Variants in CDKAL1 observed in about 807,000 individuals in gnomAD.
CDKAL1 encodes CDKAL1 threonylcarbamoyladenosine tRNA methylthiotransferase.
A neutral mutation model predicts 68.2 loss-of-function variants in CDKAL1; 32 were observed. The observed-to-expected ratio is 0.47, with a 90% CI of 0.35 to 0.63. The LOEUF is 0.63. Ranked by LOEUF, CDKAL1 falls within the 30% of genes least tolerant of loss-of-function variation. The probability of loss-of-function intolerance (pLI) is 0.00; values close to 1 mark genes in which losing one functional copy is unlikely to be tolerated. For missense variants in CDKAL1, 606 were observed against 696.7 expected (o/e 0.87, Z 1.47); for synonymous variants, 234 against 244.3 (o/e 0.96, Z 0.39).
intron 12 of CDKAL1, among the ~76,000 whole-genome samples, chr6:21,105,604 C>T (rs897453233): frequency 6.6e-6 from 1 of 152,074 alleles, no homozygotes; most frequent in Non-Finnish European, 1.5e-5. Context: ...TAGAGCTAGG[C>T]GGGGGTATGC....
Position 20,750,834 on chromosome 6 carries a change from G to A in CDKAL1, c.469-7761G>A, listed in dbSNP as rs150825321. Among the ~76,000 whole-genome samples, 359 of 151,606 alleles carry A rather than the reference G, an allele frequency of 2.4e-3. 7 individuals are homozygous for A. The East Asian group carries it at 0.064, about 27-fold the overall frequency. ...CAAAAATTAGCCGGGTGTGGTGGCA[G>A]GCACCTGTAATCCCAGCTACTCAGG... is the stretch of plus-strand genomic sequence containing the variant. On this transcript the variant is annotated intron_variant, in intron 6 of 15. Coordinates refer to ENST00000274695, the MANE Select transcript of CDKAL1 (RefSeq NM_017774.3).
At chr6:20,969,980 C>T (rs1019346267) in intron 10 of CDKAL1, among the ~76,000 whole-genome samples, 3 of 151,174 alleles carry the variant, frequency 2.0e-5, no homozygotes, top group African/African-American at 7.3e-5. Context: ...ATTGTTTGTC[C>T]CAGCTGTTAT....
intron 4 of CDKAL1, among the ~76,000 whole-genome samples, chr6:20,567,857 G>C (rs533388873): frequency 6.6e-6 from 1 of 151,912 alleles, no homozygotes; most frequent in Admixed American, 6.6e-5. Context: ...GGGACTACAG[G>C]TGTGCACCAC....
At chr6:21,056,748 A>G (rs1044794651) in intron 11 of CDKAL1, among the ~76,000 whole-genome samples, 6 of 152,142 alleles carry the variant, frequency 3.9e-5, no homozygotes, top group Non-Finnish European at 8.8e-5. Context: ...GTTGAATTTT[A>G]TCAAAGGCCT....
intron 9 of CDKAL1, among the ~76,000 whole-genome samples, chr6:20,855,304 G>T (rs150663317): frequency 6.6e-6 from 1 of 151,840 alleles, no homozygotes; most frequent in African/African-American, 2.4e-5. Flanking sequence ...ATAGCCAGGC[G>T]TGGTGGTGCA....
At chr6:20,725,513 G>T (rs1772602529) in intron 5 of CDKAL1, among the ~76,000 whole-genome samples, 1 of 152,178 alleles carries the variant, frequency 6.6e-6, no homozygotes, top group South Asian at 2.1e-4. Context: ...AGCTGGGCAT[G>T]GTGGCTTATG....
intron 5 of CDKAL1, among the ~76,000 whole-genome samples, chr6:20,713,593 A>G (rs1771946476): frequency 6.6e-6 from 1 of 152,204 alleles, no homozygotes; most frequent in African/African-American, 2.4e-5. Context: ...GAAAAAGGAT[A>G]TGGTAAGCAC....
chr6:20,556,175 G>A (rs577169378), intron 4 of CDKAL1, among the ~76,000 whole-genome samples: 7 of 152,052 alleles, frequency 4.6e-5, no homozygotes, highest in Admixed American at 1.3e-4. Context: ...GACCAGCCTG[G>A]CCAACATGGT....
intron 12 of CDKAL1, among the ~76,000 whole-genome samples, chr6:21,103,603 C>CA (rs1011749103): frequency 3.9e-5 from 6 of 152,028 alleles, no homozygotes; most frequent in Non-Finnish European, 8.8e-5. Context: ...CGGCAGCCCG[C>CA]AAAAAATGCA....
At chr6:20,724,227 C>G (rs1278136508) in intron 5 of CDKAL1, among the ~76,000 whole-genome samples, 1 of 152,114 alleles carries the variant, frequency 6.6e-6, no homozygotes, top group East Asian at 1.9e-4. Context: ...CATGAACCAC[C>G]ACCTCCAGCC....
intron 4 of CDKAL1, among the ~76,000 whole-genome samples, chr6:20,617,638 A>G (rs147908539): frequency 2.4e-4 from 36 of 152,094 alleles, no homozygotes; most frequent in Non-Finnish European, 4.3e-4. Context: ...TTATTGTTCA[A>G]TTCCCACCTG....
intron 8 of CDKAL1, among the ~76,000 whole-genome samples, chr6:20,815,251 A>G (rs1435443679): frequency 6.6e-6 from 1 of 152,022 alleles, no homozygotes; most frequent in Non-Finnish European, 1.5e-5. Context: ...AATTATTACC[A>G]TGTTTGTTTC....
chr6:21,205,859 G>C (rs1778906238), intron 15 of CDKAL1, among the ~76,000 whole-genome samples: 1 of 86,264 alleles, frequency 1.2e-5, no homozygotes, highest in African/African-American at 5.1e-5. Flanking sequence ...TTTTGAGACA[G>C]AGTCTTGCTC....
intron 13 of CDKAL1, among the ~76,000 whole-genome samples, chr6:21,158,179 T>A (rs1033786525): frequency 6.6e-6 from 1 of 152,224 alleles, no homozygotes. Flanking sequence ...AGGATACGCA[T>A]GTTAGTGAAC....
chr6:21,038,127 G>A (rs1769695721), intron 11 of CDKAL1, among the ~76,000 whole-genome samples: 1 of 152,166 alleles, frequency 6.6e-6, no homozygotes. Context: ...AAAATACAAG[G>A]GAGTTTGGCA....
At chr6:21,135,264 G>A (rs1011449921) in intron 13 of CDKAL1, among the ~76,000 whole-genome samples, 1 of 151,992 alleles carries the variant, frequency 6.6e-6, no homozygotes, top group African/African-American at 2.4e-5. Context: ...CTCAAGCCTG[G>A]TTTCTTATCT....
chr6:21,121,091 G>A (rs1774687120), intron 13 of CDKAL1, among the ~76,000 whole-genome samples: 1 of 152,094 alleles, frequency 6.6e-6, no homozygotes. Flanking sequence ...GACAGCGCTT[G>A]TTTCCCCACA....
chr6:20,704,450 A>G (rs1771509116), intron 5 of CDKAL1, among the ~76,000 whole-genome samples: 1 of 152,060 alleles, frequency 6.6e-6, no homozygotes, highest in African/African-American at 2.4e-5. Flanking sequence ...AGAACATTCT[A>G]GACAGAGGAA....
chr6:20,907,243 C>T (rs748962563), intron 9 of CDKAL1, among the ~76,000 whole-genome samples: 12 of 151,996 alleles, frequency 7.9e-5, no homozygotes, highest in Admixed American at 3.3e-4. Flanking sequence ...GGCAACATGG[C>T]GAAACCACGT....
Sources: gnomAD v4.1 joint callset for allele counts (sites outside exome capture counted in the v4.1 genomes callset) on GRCh38, gnomAD v4.1.1 for gene constraint, MANE v1.5 for transcripts, NCBI Gene and HGNC (gene_info 2026-07-23, HGNC 2026-07-21) for gene names.